The following EVC variants were observed in gnomAD, a reference collection of about 807,000 sequenced individuals.
EVC encodes the protein evC complex member EVC.
A neutral mutation model predicts 118.9 loss-of-function variants in EVC; 116 were observed. The ratio of observed to expected loss-of-function variants is 0.98; its 90% CI spans 0.84 to 1.14. EVC has a LOEUF of 1.14. EVC is among the 50% of genes most tolerant of loss of function. The pLI is 0.00. For synonymous variants in EVC, 619 were observed against 534.7 expected, an observed-to-expected ratio of 1.16 and a Z score of -2.18; for missense variants, 1,401 against 1,246.4, an observed-to-expected ratio of 1.12 and a Z score of -1.87.
chr4:5,733,548 A>G, intron 5 of EVC, 113 bp downstream of exon 5: 2 of 953,742 alleles, frequency 2.1e-6, no homozygotes, highest in Non-Finnish European at 3.4e-6. Context: ...CAGTGGAAAC[A>G]GAGCCGCTGT....
At chr4:5,821,937 A>ACCCCAC in the EVC span, 1 of 1,016,422 alleles carries the variant, frequency 9.8e-7, no homozygotes, top group South Asian at 1.7e-5. The surrounding 1 kb of genome is among the most constrained non-coding windows in gnomAD (Gnocchi z 4.4). Flanking sequence ...TCTGCCATGC[A>ACCCCAC]CTCCACTGGA....
the EVC span, chr4:5,826,001 G>A: frequency 8.6e-3 from 2,845 of 331,916 alleles, 25 homozygotes; most frequent in Non-Finnish European, 0.012. Context: ...GCATACACGC[G>A]TGAACACGCA....
At chr4:5,717,068 A>G (rs1354476857) in intron 1 of EVC, among the ~76,000 whole-genome samples, 2 of 151,980 alleles carry the variant, frequency 1.3e-5, no homozygotes, top group African/African-American at 4.8e-5. Flanking sequence ...TTTTCCTTTT[A>G]TACGTTTTCT....
chr4:5,794,193 A>G (rs1177867793), intron 13 of EVC, among the ~76,000 whole-genome samples: 3 of 138,518 alleles, frequency 2.2e-5, no homozygotes, highest in African/African-American at 5.3e-5. Flanking sequence ...AATTTGCTGG[A>G]AAGTATTTTT....
At chr4:5,712,121 G>C (rs116015539) in intron 1 of EVC, among the ~76,000 whole-genome samples, 2 of 152,318 alleles carry the variant, frequency 1.3e-5, no homozygotes, top group African/African-American at 4.8e-5. Flanking sequence ...GGAGAAGGAC[G>C]AATTGCAAGT....
chr4:5,757,920 CCAAA>C (rs1731427139), intron 11 of EVC, among the ~76,000 whole-genome samples: 1 of 152,224 alleles, frequency 6.6e-6, no homozygotes, highest in East Asian at 1.9e-4. Flanking sequence ...ACAATTTAGT[CCAAA>C]CAGTGTCCTT....
At chr4:5,805,854 C>G (rs922561282) in intron 17 of EVC, among the ~76,000 whole-genome samples, 1 of 150,700 alleles carries the variant, frequency 6.6e-6, no homozygotes, top group African/African-American at 2.4e-5. Flanking sequence ...CCTTCCCTCC[C>G]TGTCACACCT....
At chr4:5,771,656 A>G (rs915276273) in intron 11 of EVC, among the ~76,000 whole-genome samples, 1 of 152,190 alleles carries the variant, frequency 6.6e-6, no homozygotes, top group African/African-American at 2.4e-5. Context: ...GCAGTAACCT[A>G]TTGGAAGCAG....
chr4:5,778,354 A>G (rs1252572143), intron 11 of EVC, among the ~76,000 whole-genome samples: 5 of 152,070 alleles, frequency 3.3e-5, no homozygotes, highest in Non-Finnish European at 7.3e-5. Context: ...GTATATACCC[A>G]GTAATGGGAT....
At chr4:5,767,337 T>C (rs2152171918) in intron 11 of EVC, among the ~76,000 whole-genome samples, 1 of 123,690 alleles carries the variant, frequency 8.1e-6, no homozygotes, top group South Asian at 2.7e-4. Flanking sequence ...TCTGCAGAGG[T>C]TACTGCTGTC....
intron 15 of EVC, 65 bp from the exon 16 acceptor site, chr4:5,801,885 A>T (rs1001404738): frequency 6.4e-7 from 1 of 1,572,750 alleles, no homozygotes; most frequent in East Asian, 2.3e-5. Context: ...CAGGGACTGG[A>T]TGGGCCGTGG....
In EVC at chr4:5,731,745, G is replaced by A; in HGVS notation, c.617+88G>A. The A allele has an allele frequency of 2.3e-6, 3 of 1,301,418 alleles. No homozygotes were observed. In the Admixed American group the frequency reaches 5.9e-5, roughly 26 times the overall value. The allele number at this position is 1,301,418 out of a possible 1,614,324, so 80.6% of individuals were successfully genotyped here. On this transcript the variant is annotated intron_variant, in intron 4 of 20. Transcript: ENST00000264956. This position sits in a 1 kb window ranked among gnomAD's most constrained non-coding sequence, Gnocchi z 5.6. ...ATCATTGTCAGAGGAGGAAACAGAG[G>A]CCCAGAGAGGTTCAGTGACTCTGCC...
rs935803671 is a variant in EVC at position 5,749,751 on chromosome 4, G to A, written c.1098+1445G>A. ...TGTGCACCAGCCCGTGTGGCAGCTC[G>A]GCTCAGAACCCTGCAGTGGCCACCC... On this transcript the variant is annotated intron_variant, in intron 8 of 20. Coordinates refer to ENST00000264956, the MANE Select transcript of EVC (RefSeq NM_153717.3). This position sits in a 1 kb window ranked among gnomAD's most constrained non-coding sequence, Gnocchi z 4.4. 3.3e-5 allele frequency among the ~76,000 whole-genome samples: 5 copies of A among 152,078 alleles called. No homozygotes were observed. Among genetic ancestry groups the A allele is most frequent in the Non-Finnish European group, 5.9e-5 (4 of 68,016 alleles).
At chr4:5,801,847 G>C in intron 15 of EVC, 103 bp from the exon 16 acceptor site, 1 of 1,350,448 alleles carries the variant, frequency 7.4e-7, no homozygotes, top group Admixed American at 1.9e-5. Context: ...GTGAGTAGGT[G>C]GAAGATCTGA....
intron 11 of EVC, among the ~76,000 whole-genome samples, chr4:5,771,795 C>A (rs915734560): frequency 2.0e-5 from 3 of 152,188 alleles, no homozygotes. Flanking sequence ...GGGTTATACA[C>A]CATGACCAAG....
Position 5,731,517 on chromosome 4 carries a change from C to T in EVC, c.477C>T (p.Ser159=), listed in dbSNP as rs2151935441. The T allele has an allele frequency of 6.2e-7, 1 of 1,614,152 alleles. No individual in the cohort carries two copies. The highest frequency in any genetic ancestry group is 1.3e-5 in the African/African-American group (1 of 75,044). Residue 159 remains serine, a synonymous_variant, in exon 4 of 21, where the codon AGC becomes AGT. Coordinates refer to ENST00000264956, the MANE Select transcript of EVC (RefSeq NM_153717.3). The surrounding 1 kb of genome is among the most constrained non-coding windows in gnomAD (Gnocchi z 5.6). ...AGCCGGTAGAGGCCTCTCCTTCCAG[C>T]AGTCTGGGGAGCCTGAGCCAGGGTG... The part of the protein sequence containing the change: ...PHQPVEASPS[S]SLGSLSQGEK...
At chr4:5,751,450 G>A (rs1034495104) in intron 8 of EVC, among the ~76,000 whole-genome samples, 3 of 152,226 alleles carry the variant, frequency 2.0e-5, no homozygotes, top group South Asian at 2.1e-4. Flanking sequence ...CGCCCTTCCC[G>A]CGGCCCACCT....
chr4:5,787,918 A>G (rs1437698717), intron 12 of EVC, among the ~76,000 whole-genome samples: 3 of 152,138 alleles, frequency 2.0e-5, no homozygotes, highest in Non-Finnish European at 4.4e-5. Context: ...TTACTGGACA[A>G]GGTGGTGTTT....
chr4:5,748,328 G>A (rs753723092), intron 8 of EVC, 22 bp downstream of exon 8: 1 of 1,613,520 alleles, frequency 6.2e-7, no homozygotes, highest in South Asian at 1.1e-5. Flanking sequence ...GGGGGCGGGA[G>A]GGAACATAAA....
Sources: allele counts gnomAD v4.1 joint callset (sites outside exome capture counted in the v4.1 genomes callset), GRCh38; gene constraint gnomAD v4.1.1; non-coding constraint Gnocchi (gnomAD v3.1); transcripts MANE v1.5; gene names NCBI Gene and HGNC (gene_info 2026-07-23, HGNC 2026-07-21).